MAGI1: variants seen among roughly 807,000 people sequenced by gnomAD.
The protein encoded by MAGI1 is membrane associated guanylate kinase, WW and PDZ domain containing 1.
Under a neutral mutation model 139.9 loss-of-function variants are expected in MAGI1, and 58 were observed. The observed-to-expected ratio is 0.41, with a 90% confidence interval of 0.34 to 0.52. The LOEUF is 0.52. Among genes scored for constraint, MAGI1 ranks in the 20% least tolerant of loss-of-function variants. The pLI is 0.12. For missense variants in MAGI1, 1,874 were observed against 1,901.6 expected (o/e 0.99, Z 0.27); for synonymous variants, 812 against 737.9 (o/e 1.10, Z -1.63).
chr3:65,486,967 G>A (rs972630366), intron 3 of MAGI1, among the ~76,000 whole-genome samples: 10 of 152,232 alleles, frequency 6.6e-5, no homozygotes, highest in Admixed American at 4.6e-4. Context: ...TTTCTACCTC[G>A]TTCTCACAAT....
chr3:65,629,987 G>C (rs180702472), intron 1 of MAGI1, among the ~76,000 whole-genome samples: 1 of 152,090 alleles, frequency 6.6e-6, no homozygotes, highest in African/African-American at 2.4e-5. Flanking sequence ...TTAATCACAA[G>C]ATTTTAAAAA....
At chr3:65,405,659 A>G (rs1945273846) in intron 12 of MAGI1, among the ~76,000 whole-genome samples, 1 of 151,810 alleles carries the variant, frequency 6.6e-6, no homozygotes, top group Non-Finnish European at 1.5e-5. Context: ...CAATGGTGTG[A>G]TCTTGCCTCA....
chr3:65,774,106 T>TG (rs10647043), intron 1 of MAGI1, among the ~76,000 whole-genome samples: 2 of 146,780 alleles, frequency 1.4e-5, no homozygotes, highest in African/African-American at 5.0e-5. Context: ...ACTGGCTAGT[T>TG]AAAAAAAAAA....
At chr3:65,436,967 T>A (rs908779144) in intron 10 of MAGI1, among the ~76,000 whole-genome samples, 188 bp downstream of exon 10, 1 of 152,304 alleles carries the variant, frequency 6.6e-6, no homozygotes, top group South Asian at 2.1e-4. Context: ...TGGAAAAAAA[T>A]TATTCAGGAA....
intron 12 of MAGI1, among the ~76,000 whole-genome samples, chr3:65,404,642 C>T (rs1034070923): frequency 1.4e-4 from 22 of 152,146 alleles, no homozygotes; most frequent in African/African-American, 5.1e-4. Flanking sequence ...CATATGAATG[C>T]TGGAAAAACC....
intron 2 of MAGI1, among the ~76,000 whole-genome samples, chr3:65,514,977 C>T (rs2077789869): frequency 6.7e-6 from 1 of 149,070 alleles, no homozygotes. Flanking sequence ...TACTATGCAG[C>T]CATAAAAAAT....
At chr3:65,489,564 T>C (rs1951854926) in intron 3 of MAGI1, among the ~76,000 whole-genome samples, 1 of 152,114 alleles carries the variant, frequency 6.6e-6, no homozygotes, top group South Asian at 2.1e-4. Flanking sequence ...AAATAAGTTA[T>C]ATATTTATAT....
intron 2 of MAGI1, among the ~76,000 whole-genome samples, chr3:65,571,015 T>G (rs2080932107): frequency 6.6e-6 from 1 of 152,216 alleles, no homozygotes; most frequent in Admixed American, 6.5e-5. Context: ...TCAGATGCAC[T>G]TGCTAATTTT....
chr3:65,739,536 C>T (rs1163389650), intron 1 of MAGI1, among the ~76,000 whole-genome samples: 3 of 152,174 alleles, frequency 2.0e-5, no homozygotes, highest in African/African-American at 4.8e-5. Flanking sequence ...AGCTTTCAGC[C>T]GCTCTCAGCT....
intron 1 of MAGI1, among the ~76,000 whole-genome samples, chr3:65,952,658 C>A (rs1409722647): frequency 6.6e-6 from 1 of 152,040 alleles, no homozygotes; most frequent in African/African-American, 2.4e-5. Context: ...ACTAAAGATA[C>A]AAAAAATTAG....
chr3:65,470,850 T>C (rs58139545), intron 4 of MAGI1, among the ~76,000 whole-genome samples: 2,734 of 152,270 alleles, frequency 0.018, 83 homozygotes, highest in African/African-American at 0.06. Flanking sequence ...ATTCCATAGG[T>C]ATCATTTGAT....
In MAGI1 at chr3:65,759,771, G is replaced by A. The variant is rs573546916; in HGVS notation, c.314-137683C>T. Among the ~76,000 whole-genome samples, 3 of 152,282 alleles carry A rather than the reference G, an allele frequency of 2.0e-5. No individual in the cohort carries two copies. The East Asian group carries it at 5.8e-4, about 29-fold the overall frequency. ...GTGCTTGAATGTGAGATGTGTTCCAGTAAAACTGATAGAGTCTATACCTCC... is the reference window on the plus strand; with the variant it reads ...GTGCTTGAATGTGAGATGTGTTCCAATAAAACTGATAGAGTCTATACCTCC... On this transcript the variant is annotated intron_variant, in intron 1 of 22. Coordinates refer to ENST00000402939, the MANE Select transcript of MAGI1 (RefSeq NM_001033057.2).
At chr3:65,891,490 C>A (rs1235220537) in intron 1 of MAGI1, among the ~76,000 whole-genome samples, 3 of 151,942 alleles carry the variant, frequency 2.0e-5, no homozygotes, top group Non-Finnish European at 4.4e-5. Context: ...GCACAATAAG[C>A]CCCAACAAAC....
At chr3:65,599,392 G>T (rs186877806) in intron 2 of MAGI1, among the ~76,000 whole-genome samples, 1 of 152,232 alleles carries the variant, frequency 6.6e-6, no homozygotes, top group Non-Finnish European at 1.5e-5. Flanking sequence ...GTAAACCTAG[G>T]CATGTCCATC....
intron 12 of MAGI1, among the ~76,000 whole-genome samples, chr3:65,416,978 A>T (rs1946264841): frequency 2.0e-5 from 3 of 152,196 alleles, no homozygotes; most frequent in African/African-American, 4.8e-5. Context: ...AGATGGTGGT[A>T]AAGAACGTGT....
chr3:65,844,289 A>C, intron 1 of MAGI1: 2 of 365,892 alleles, frequency 5.5e-6, no homozygotes, highest in Admixed American at 6.6e-5. Context: ...CAGAGCTCAC[A>C]CGGTCAGATT....
intron 1 of MAGI1, among the ~76,000 whole-genome samples, chr3:65,668,062 T>C (rs1321015839): frequency 6.6e-6 from 1 of 152,176 alleles, no homozygotes; most frequent in African/African-American, 2.4e-5. Context: ...ATTCAGACCA[T>C]GAACTCCAAA....
At position 65,379,375 on chromosome 3, in the gene MAGI1, C is replaced by T. The variant is rs756412481; in HGVS notation, c.2881G>A (p.Val961Met). ...TAGGGCTGCACCACGGTGCTGACCACGCCGCTGCCCCCGCCGCCGCCACTG... is the reference window on the plus strand; with the variant it reads ...TAGGGCTGCACCACGGTGCTGACCATGCCGCTGCCCCCGCCGCCGCCACTG... ...IGSGGGGGSG[V>M]VSTVVQPYDV... is the part of the protein sequence containing the mutation. The change falls in exon 17 of 23, where the codon GTG becomes ATG. Residue 961 changes from valine (V) to methionine (M), a missense_variant. This residue lies in a region of MAGI1 where 482 missense variants were observed against 509.6 expected (regional missense o/e 0.95). Transcript: ENST00000402939. 9.9e-6 allele frequency: 16 copies of T among 1,612,268 alleles called. No homozygotes were observed. The highest frequency in any genetic ancestry group is 1.6e-4 in the Middle Eastern group (1 of 6,080).
chr3:65,930,563 G>A (rs903859155), intron 1 of MAGI1, among the ~76,000 whole-genome samples: 1 of 152,090 alleles, frequency 6.6e-6, no homozygotes, highest in African/African-American at 2.4e-5. Flanking sequence ...ATAGGGGCTA[G>A]GTAAAATGAG....
Sources: gnomAD v4.1 joint callset for allele counts (sites outside exome capture counted in the v4.1 genomes callset) on GRCh38, gnomAD v4.1.1 for gene constraint, gnomAD v4.1.1 regional missense constraint, MANE v1.5 for transcripts, NCBI Gene and HGNC (gene_info 2026-07-23, HGNC 2026-07-21) for gene names.